Variants in NFIL3 observed in about 807,000 individuals in gnomAD.
NFIL3 encodes nuclear factor interleukin-3-regulated protein.
A neutral mutation model predicts 10.0 loss-of-function variants in NFIL3; 5 were observed. The ratio of observed to expected loss-of-function variants is 0.50; its 90% CI spans 0.26 to 1.06. The LOEUF (loss-of-function observed/expected upper bound fraction) is 1.06. NFIL3 is among the 50% of genes least tolerant of loss of function. NFIL3 has a pLI of 0.13. For missense variants in NFIL3, 436 were observed against 547.6 expected (o/e 0.80, Z 2.03); for synonymous variants, 202 against 206.5 (o/e 0.98, Z 0.19).
the NFIL3 span, among the ~76,000 whole-genome samples, chr9:91,439,700 G>C: frequency 1.3e-5 from 2 of 148,666 alleles, no homozygotes; most frequent in East Asian, 4.4e-4. Context: ...AATCTAAGCT[G>C]TTGAGAGTTT....
At chr9:91,478,602 G>T in the NFIL3 span, among the ~76,000 whole-genome samples, 1 of 151,848 alleles carries the variant, frequency 6.6e-6, no homozygotes, top group Admixed American at 6.6e-5. Flanking sequence ...CCTTTAGCTC[G>T]GAGGAGTTTG....
the NFIL3 span, among the ~76,000 whole-genome samples, chr9:91,460,835 T>C: frequency 1.3e-5 from 2 of 152,194 alleles, no homozygotes; most frequent in African/African-American, 4.8e-5. Flanking sequence ...GGGCACCCTC[T>C]GAAAGGCATT....
the NFIL3 span, among the ~76,000 whole-genome samples, chr9:91,472,008 C>T: frequency 6.6e-6 from 1 of 152,200 alleles, no homozygotes; most frequent in African/African-American, 2.4e-5. Context: ...AAATTCTTTT[C>T]TTTAAGAATG....
At chr9:91,451,536 G>A in the NFIL3 span, among the ~76,000 whole-genome samples, 1 of 152,142 alleles carries the variant, frequency 6.6e-6, no homozygotes, top group Non-Finnish European at 1.5e-5. Context: ...ATCTCTTCAT[G>A]ATCTTGCTGA....
the NFIL3 span, among the ~76,000 whole-genome samples, chr9:91,462,531 C>T: frequency 2.5e-3 from 383 of 152,056 alleles, 5 homozygotes; most frequent in African/African-American, 8.8e-3. Flanking sequence ...TCTTTGCATA[C>T]GTGGAATAAA....
At chr9:91,435,508 A>G in the NFIL3 span, among the ~76,000 whole-genome samples, 1 of 152,196 alleles carries the variant, frequency 6.6e-6, no homozygotes, top group African/African-American at 2.4e-5. Flanking sequence ...CTTGAGTGCC[A>G]TTTCATCATG....
intron 1 of NFIL3, among the ~76,000 whole-genome samples, chr9:91,419,479 A>G (rs1260049135): frequency 1.9e-4 from 29 of 152,248 alleles, no homozygotes; most frequent in Admixed American, 1.9e-3. Context: ...CAGTGATGTT[A>G]TAACTGCACT....
At chr9:91,470,580 C>T in the NFIL3 span, among the ~76,000 whole-genome samples, 31 of 151,650 alleles carry the variant, frequency 2.0e-4, no homozygotes, top group Non-Finnish European at 4.3e-4. Flanking sequence ...ATTTGTTTGC[C>T]CTTGCTTCTC....
rs751063464 is a variant in NFIL3, at chr9:91,409,857, T to C, written c.878A>G (p.Gln293Arg). Residue 293 changes from glutamine to arginine, a missense_variant, in exon 2 of 2, where the codon CAG (glutamine) becomes CGG (arginine). Physicochemically the swap from Gln to Arg is conservative, Grantham distance 43 (BLOSUM62 1). This residue lies in a region of NFIL3 where 338 missense variants were observed against 399.9 expected (regional missense o/e 0.85). Transcript: ENST00000297689. ...GKSSDGEDEQ[Q>R]VPKGPIHSPV... Reference sequence around the variant, plus strand: ...AGAATGGATGGGGCCCTTGGGGACCTGTTGCTCGTCTTCTCCATCAGATGA... The same window carrying C: ...AGAATGGATGGGGCCCTTGGGGACCCGTTGCTCGTCTTCTCCATCAGATGA... 1.9e-6 allele frequency: 3 copies of C among 1,614,100 alleles called. No homozygotes were observed. Among genetic ancestry groups the C allele is most frequent in the South Asian group, 2.2e-5 (2 of 91,074 alleles).
chr9:91,419,332 C>T (rs772061082), intron 1 of NFIL3, among the ~76,000 whole-genome samples: 5 of 152,124 alleles, frequency 3.3e-5, no homozygotes, highest in Non-Finnish European at 5.9e-5. Context: ...GCTGCAATCG[C>T]ATTTACATCT....
At chr9:91,460,615 T>C in the NFIL3 span, among the ~76,000 whole-genome samples, 1 of 152,090 alleles carries the variant, frequency 6.6e-6, no homozygotes, top group East Asian at 1.9e-4. Flanking sequence ...GAAACCAGAA[T>C]TGTCCACCTG....
chr9:91,469,140 C>T, the NFIL3 span, among the ~76,000 whole-genome samples: 2 of 152,228 alleles, frequency 1.3e-5, no homozygotes, highest in South Asian at 2.1e-4. Context: ...GCCATTTTCA[C>T]GATATTGAGT....
At chr9:91,472,987 C>T in the NFIL3 span, among the ~76,000 whole-genome samples, 26 of 152,262 alleles carry the variant, frequency 1.7e-4, no homozygotes, top group African/African-American at 4.8e-4. Context: ...TGTTGGAGTT[C>T]GCTGGAGGTC....
intron 1 of NFIL3, among the ~76,000 whole-genome samples, chr9:91,415,201 CA>C (rs1286674746): frequency 6.6e-6 from 1 of 152,122 alleles, no homozygotes; most frequent in Non-Finnish European, 1.5e-5. Flanking sequence ...AGAGGGGAAC[CA>C]GGTGTGAGTG....
At chr9:91,430,744 C>T in the NFIL3 span, among the ~76,000 whole-genome samples, 1 of 152,112 alleles carries the variant, frequency 6.6e-6, no homozygotes, top group Non-Finnish European at 1.5e-5. Flanking sequence ...CTCCTGAGCT[C>T]AAGCAATCCT....
chr9:91,468,858 T>C, the NFIL3 span, among the ~76,000 whole-genome samples: 2,369 of 152,206 alleles, frequency 0.016, 40 homozygotes, highest in East Asian at 0.064. Flanking sequence ...AGATGTGTGA[T>C]GTTGTTTCTG....
chr9:91,424,460 C>A (rs1833842831), upstream of NFIL3, among the ~76,000 whole-genome samples: 1 of 152,152 alleles, frequency 6.6e-6, no homozygotes, highest in African/African-American at 2.4e-5. Flanking sequence ...AAGCTGCCAA[C>A]ACTCGGGGCG....
chr9:91,481,796 T>A, the NFIL3 span, among the ~76,000 whole-genome samples: 2 of 152,070 alleles, frequency 1.3e-5, no homozygotes, highest in Admixed American at 1.3e-4. Context: ...TATAACACAA[T>A]AAAATGCTTG....
At chr9:91,466,151 A>G in the NFIL3 span, among the ~76,000 whole-genome samples, 2 of 152,184 alleles carry the variant, frequency 1.3e-5, no homozygotes, top group Non-Finnish European at 2.9e-5. Context: ...CTAATCCACA[A>G]TAGAGGTAAG....
Sources: gnomAD v4.1 joint callset for allele counts (sites outside exome capture counted in the v4.1 genomes callset) on GRCh38, gnomAD v4.1.1 for gene constraint, gnomAD v4.1.1 regional missense constraint, MANE v1.5 for transcripts, NCBI Gene and HGNC (gene_info 2026-07-23, HGNC 2026-07-21) for gene names.